The following UNC13C variants were observed in gnomAD, a reference collection of about 807,000 sequenced individuals.
The protein encoded by UNC13C is protein unc-13 homolog C.
Under a neutral mutation model 245.4 loss-of-function variants are expected in UNC13C, and 174 were observed. The ratio of observed to expected loss-of-function variants is 0.71; its 90% CI spans 0.63 to 0.80. UNC13C has a LOEUF of 0.80. Ranked by LOEUF, UNC13C falls within the 30% of genes least tolerant of loss-of-function variation. The probability of loss-of-function intolerance (pLI) is 0.00; values close to 1 mark genes in which losing one functional copy is unlikely to be tolerated. For missense variants in UNC13C, 2,829 were observed against 2,602.9 expected, an observed-to-expected ratio of 1.09 and a Z score of -1.89; for synonymous variants, 992 against 895.1, an observed-to-expected ratio of 1.11 and a Z score of -1.93.
At chr15:54,581,931 A>G (rs1447755925) in intron 30 of UNC13C, among the ~76,000 whole-genome samples, 1 of 152,124 alleles carries the variant, frequency 6.6e-6, no homozygotes, top group Admixed American at 6.6e-5. Context: ...AAGAATGTGG[A>G]GGCTGGTCTT....
intron 18 of UNC13C, among the ~76,000 whole-genome samples, chr15:54,399,461 T>G (rs760797828): frequency 9.2e-5 from 14 of 151,890 alleles, no homozygotes; most frequent in Non-Finnish European, 1.8e-4. Context: ...ACTTTGTTTT[T>G]GTTATGCAGA....
intron 18 of UNC13C, among the ~76,000 whole-genome samples, chr15:54,400,674 C>A (rs539651286): frequency 6.6e-6 from 1 of 152,128 alleles, no homozygotes; most frequent in Non-Finnish European, 1.5e-5. Context: ...CTTCATCAAC[C>A]TTTCCTATAA....
At chr15:54,108,121 A>G (rs1269263900) in intron 2 of UNC13C, among the ~76,000 whole-genome samples, 2 of 152,208 alleles carry the variant, frequency 1.3e-5, no homozygotes, top group African/African-American at 4.8e-5. Flanking sequence ...GGATCTGTAG[A>G]CAGCATTTAG....
intron 3 of UNC13C, among the ~76,000 whole-genome samples, chr15:54,143,377 A>T (rs1368682854): frequency 6.6e-6 from 1 of 152,182 alleles, no homozygotes; most frequent in Non-Finnish European, 1.5e-5. Context: ...GGCAAATAGT[A>T]CTTGGAATAT....
chr15:54,287,783 G>A (rs1038090183), intron 10 of UNC13C, among the ~76,000 whole-genome samples: 1 of 152,118 alleles, frequency 6.6e-6, no homozygotes, highest in Non-Finnish European at 1.5e-5. Flanking sequence ...TGGTTTGAAA[G>A]ATTGTTGTAT....
chr15:54,149,939 T>G (rs944664401), intron 4 of UNC13C, among the ~76,000 whole-genome samples: 9 of 152,200 alleles, frequency 5.9e-5, no homozygotes, highest in Non-Finnish European at 1.3e-4. Flanking sequence ...GCACAGGAAA[T>G]ACACAAATAC....
intron 2 of UNC13C, among the ~76,000 whole-genome samples, chr15:54,112,727 C>T (rs146827692): frequency 0.015 from 2,352 of 152,242 alleles, 23 homozygotes; most frequent in Non-Finnish European, 0.022. Context: ...AAAGGGAAAC[C>T]TTACTGAGGA....
At chr15:54,120,828 A>G (rs949711822) in intron 2 of UNC13C, among the ~76,000 whole-genome samples, 1 of 152,094 alleles carries the variant, frequency 6.6e-6, no homozygotes, top group Non-Finnish European at 1.5e-5. Flanking sequence ...GTAACTACAG[A>G]TGTGGTAGAA....
At position 54,182,446 on chromosome 15, in the gene UNC13C, T is replaced by A. The variant is rs80297994; in HGVS notation, c.3071+38762T>A. On this transcript the variant is annotated intron_variant, in intron 4 of 32. Coordinates refer to ENST00000260323, the MANE Select transcript of UNC13C (RefSeq NM_001080534.3). The stretch of plus-strand genomic sequence containing the variant: ...TTAAATTCAGTTTGTTAGTATTTTG[T>A]TGAGGGATATTGGTCTCTAGTTTCC... Among the ~76,000 whole-genome samples, 911 of 152,112 alleles carry A rather than the reference T, an allele frequency of 6.0e-3. 51 individuals are homozygous for A. The East Asian group carries it at 0.11, about 18-fold the overall frequency.
At chr15:53,957,420 A>G in the UNC13C span, among the ~76,000 whole-genome samples, 1 of 152,238 alleles carries the variant, frequency 6.6e-6, no homozygotes, top group Admixed American at 6.5e-5. Context: ...GGCGTGAGCC[A>G]CCATGCCCTA....
chr15:54,313,420 CTG>C (rs1447152119), intron 13 of UNC13C, among the ~76,000 whole-genome samples: 1 of 151,730 alleles, frequency 6.6e-6, no homozygotes, highest in African/African-American at 2.4e-5. Context: ...CAAGAAAACA[CTG>C]TGCTAAATAT....
At chr15:54,087,315 G>A (rs568913151) in intron 2 of UNC13C, among the ~76,000 whole-genome samples, 2 of 152,254 alleles carry the variant, frequency 1.3e-5, no homozygotes, top group South Asian at 2.1e-4. Context: ...TATCATATCA[G>A]TGGCAGATGG....
chr15:54,219,736 C>T (rs554868868), intron 4 of UNC13C, among the ~76,000 whole-genome samples: 2,743 of 151,642 alleles, frequency 0.018, 89 homozygotes, highest in African/African-American at 0.063. Context: ...CTACAATGAA[C>T]TCAAACAAAT....
At chr15:54,274,082 A>G (rs925226366) in intron 10 of UNC13C, among the ~76,000 whole-genome samples, 1 of 152,110 alleles carries the variant, frequency 6.6e-6, no homozygotes, top group African/African-American at 2.4e-5. Context: ...CAGAGCTTTC[A>G]TTACAATTGG....
At chr15:54,110,999 C>T (rs72742578) in intron 2 of UNC13C, among the ~76,000 whole-genome samples, 5,911 of 152,288 alleles carry the variant, frequency 0.039, 175 homozygotes, top group Non-Finnish European at 0.06. Flanking sequence ...CCATACCAGT[C>T]GATTACTCTT....
chr15:54,364,484 A>G (rs1388354491), intron 17 of UNC13C, among the ~76,000 whole-genome samples: 1 of 152,198 alleles, frequency 6.6e-6, no homozygotes, highest in African/African-American at 2.4e-5. Flanking sequence ...GTAGGGAGCT[A>G]CTGGGGTTTA....
At chr15:53,896,840 G>C in the UNC13C span, among the ~76,000 whole-genome samples, 1 of 152,060 alleles carries the variant, frequency 6.6e-6, no homozygotes, top group East Asian at 1.9e-4. Context: ...CACACCCTAA[G>C]GTGAATAGAA....
At chr15:54,191,556 G>A (rs577668249) in intron 4 of UNC13C, among the ~76,000 whole-genome samples, 17 of 152,110 alleles carry the variant, frequency 1.1e-4, no homozygotes, top group Non-Finnish European at 1.6e-4. Flanking sequence ...AATCCTTTGG[G>A]TATATACCCA....
the UNC13C span, among the ~76,000 whole-genome samples, chr15:53,868,900 T>G: frequency 6.6e-6 from 1 of 152,102 alleles, no homozygotes; most frequent in Non-Finnish European, 1.5e-5. Context: ...GAAGGATCAT[T>G]TGAACCCAGG....
Sources: allele counts gnomAD v4.1 joint callset (sites outside exome capture counted in the v4.1 genomes callset), GRCh38; gene constraint gnomAD v4.1.1; transcripts MANE v1.5; gene names NCBI Gene and HGNC (gene_info 2026-07-23, HGNC 2026-07-21).